Variants in FILIP1 observed in about 807,000 individuals in gnomAD.
FILIP1 encodes the protein filamin A interacting protein 1, also known as filamin-A-interacting protein 1.
FILIP1 carries 61 observed loss-of-function variants against 102.1 expected under a neutral mutation model. That is an observed-to-expected ratio of 0.60 (90% CI 0.49 to 0.74). FILIP1 has a LOEUF of 0.74. FILIP1 is among the 30% of genes least tolerant of loss of function. The probability of loss-of-function intolerance (pLI) is 0.00; values close to 1 mark genes in which losing one functional copy is unlikely to be tolerated. For missense variants in FILIP1, 1,314 were observed against 1,441.2 expected (o/e 0.91, Z 1.43); for synonymous variants, 491 against 526.9 (o/e 0.93, Z 0.93).
chr6:75,464,839 C>T (rs1779118337), intron 1 of FILIP1, among the ~76,000 whole-genome samples: 1 of 152,168 alleles, frequency 6.6e-6, no homozygotes, highest in African/African-American at 2.4e-5. Context: ...TGACTGCATC[C>T]TTTTAGTTGC....
intron 4 of FILIP1, among the ~76,000 whole-genome samples, chr6:75,331,583 A>G (rs560268941): frequency 6.6e-6 from 1 of 152,288 alleles, no homozygotes; most frequent in East Asian, 1.9e-4. Context: ...GGATGGAGGA[A>G]GTAGTTGTTC....
chr6:75,362,209 G>C (rs2149612241), intron 3 of FILIP1, among the ~76,000 whole-genome samples: 1 of 152,322 alleles, frequency 6.6e-6, no homozygotes, highest in South Asian at 2.1e-4. Flanking sequence ...AATAGTCATA[G>C]CCCTAGTAGA....
At chr6:75,457,436 G>A (rs1778874387) in intron 1 of FILIP1, among the ~76,000 whole-genome samples, 1 of 152,138 alleles carries the variant, frequency 6.6e-6, no homozygotes, top group African/African-American at 2.4e-5. Flanking sequence ...CTGATGTGGG[G>A]TAAAATGTCC....
chr6:75,302,527 T>C (rs1335334704), intron 6 of FILIP1, among the ~76,000 whole-genome samples: 1 of 152,090 alleles, frequency 6.6e-6, no homozygotes, highest in African/African-American at 2.4e-5. Flanking sequence ...GCAATGTTCA[T>C]AAAATAGACT....
rs750470097 is a variant in FILIP1 at position 75,314,575 on chromosome 6, C to T, written c.1257G>A (p.Lys419=). 1 of 1,613,966 alleles carries T rather than the reference C, an allele frequency of 6.2e-7. No individual in the cohort carries two copies. ...KKLQEEEHHS[K]ELRLEVEKLQ... The stretch of plus-strand genomic sequence containing the variant: ...GCTTCTCAACTTCAAGTCTGAGCTC[C>T]TTACTATGGTGTTCTTCCTCTTGCA... Residue 419 remains lysine (K), a synonymous_variant, in exon 5 of 6, where the codon AAG becomes AAA. Coordinates refer to ENST00000237172, the MANE Select transcript of FILIP1 (RefSeq NM_015687.5).
chr6:75,472,646 A>C (rs1195110326), intron 1 of FILIP1, among the ~76,000 whole-genome samples: 1 of 152,156 alleles, frequency 6.6e-6, no homozygotes, highest in Non-Finnish European at 1.5e-5. Context: ...TAACTTGTCT[A>C]AAGTAGAACA....
At chr6:75,421,448 G>C (rs1252229686) in intron 1 of FILIP1, among the ~76,000 whole-genome samples, 1 of 152,150 alleles carries the variant, frequency 6.6e-6, no homozygotes, top group Admixed American at 6.6e-5. Flanking sequence ...TATATGTTTA[G>C]GAAATACTCA....
intron 4 of FILIP1, among the ~76,000 whole-genome samples, chr6:75,318,093 C>T (rs1191967784): frequency 6.6e-6 from 1 of 151,846 alleles, no homozygotes; most frequent in Non-Finnish European, 1.5e-5. Flanking sequence ...TTTTTTTCAT[C>T]CTGTCACACG....
chr6:75,354,869 C>T (rs1327957788), intron 3 of FILIP1, among the ~76,000 whole-genome samples: 1 of 152,184 alleles, frequency 6.6e-6, no homozygotes, highest in Non-Finnish European at 1.5e-5. Flanking sequence ...GTTTTTAAAG[C>T]TTGCAGCTAT....
chr6:75,350,766 A>G (rs1774769828), intron 4 of FILIP1, among the ~76,000 whole-genome samples: 1 of 152,278 alleles, frequency 6.6e-6, no homozygotes, highest in Non-Finnish European at 1.5e-5. Flanking sequence ...ATACTACCTC[A>G]GGCATTTAGC....
Position 75,314,027 on chromosome 6 carries a change from C to G in FILIP1, c.1805G>C (p.Gly602Ala), listed in dbSNP as rs779614812. Reference sequence around the variant, plus strand: ...TATTTCTCTTTCCACTTCCTCTATACCATCAAGTCTCTTCTTTAGTAAGTC... The same window carrying G: ...TATTTCTCTTTCCACTTCCTCTATAGCATCAAGTCTCTTCTTTAGTAAGTC... The part of the protein sequence containing the change: ...SVDLLKKRLD[G>A]IEEVEREITR... The change falls in exon 5 of 6, where the codon GGT becomes GCT. Residue 602 changes from glycine (G) to alanine (A), a missense_variant. Coordinates refer to ENST00000237172, the MANE Select transcript of FILIP1 (RefSeq NM_015687.5). The G allele has an allele frequency of 8.5e-6, 13 of 1,532,168 alleles. 1 individual carries two copies. The highest frequency in any genetic ancestry group is 3.5e-4 in the Middle Eastern group (2 of 5,662). The allele number at this position is 1,532,168 out of a possible 1,614,324, so 94.9% of individuals were successfully genotyped here. A position where few individuals can be genotyped will look rare whatever the true frequency, so the allele number is the denominator to read the frequency against.
At chr6:75,304,377 A>C (rs539705033), downstream of FILIP1, among the ~76,000 whole-genome samples, 7 of 152,040 alleles carry the variant, frequency 4.6e-5, no homozygotes, top group East Asian at 1.4e-3. Flanking sequence ...ATGCCCAGCT[A>C]ATTTTTTGTA....
chr6:75,461,208 A>G (rs1779013676), intron 1 of FILIP1, among the ~76,000 whole-genome samples: 1 of 152,238 alleles, frequency 6.6e-6, no homozygotes, highest in Admixed American at 6.5e-5. Flanking sequence ...ATCATCTTGC[A>G]TAATCATCAG....
chr6:75,382,792 A>C lies in FILIP1; in HGVS notation c.277-19875T>G, dbSNP rs557629700. 3.3e-5 allele frequency among the ~76,000 whole-genome samples: 5 copies of C among 152,344 alleles called. No homozygotes were observed. In the East Asian group the frequency reaches 9.6e-4, roughly 29 times the overall value. ...AATGCTACAGGAATGCATCACAATT[A>C]CTGAATAGACTTTGGGGGATCTTGT... On this transcript the variant is annotated intron_variant, in intron 2 of 5. Transcript: ENST00000237172.
In FILIP1 at chr6:75,372,687, G is replaced by GAA. The variant is rs1491079269; in HGVS notation, c.277-9772_277-9771dup. ...AAAGAAAGAAAGAAAGAAAGAAAGA[G>GAA]AAAGAAAGAGAAAGAAAGAAAGAAA... On this transcript the variant is annotated intron_variant, in intron 2 of 5. Transcript: ENST00000237172. 5.4e-4 allele frequency among the ~76,000 whole-genome samples: 15 copies of GAA among 27,798 alleles called. 1 individual carries two copies. The East Asian group carries it at 6.4e-3, about 12-fold the overall frequency. 18.2% of individuals were successfully genotyped at this position (27,798 alleles called of 152,430 possible).
rs1442910396 is a variant in FILIP1 at position 75,314,919 on chromosome 6, G to A, written c.913C>T (p.His305Tyr). Reference sequence around the variant, plus strand: ...TCTTGAGAAAACCTCGAAGCCTTGTGTTCAAAGTCCACTTCTAACTTGAGC... The same window carrying A: ...TCTTGAGAAAACCTCGAAGCCTTGTATTCAAAGTCCACTTCTAACTTGAGC... ...KLLKLEVDFE[H>Y]KASRFSQEHE... The change falls in exon 5 of 6, where the codon CAC becomes TAC. Residue 305 changes from histidine to tyrosine, a missense_variant. Physicochemically the swap from His to Tyr is moderately conservative, Grantham distance 83. Transcript: ENST00000237172. The A allele has an allele frequency of 6.2e-7, 1 of 1,614,136 alleles. No individual in the cohort carries two copies. Among genetic ancestry groups the A allele is most frequent in the Non-Finnish European group, 8.5e-7 (1 of 1,180,022 alleles).
chr6:75,440,129 GT>G (rs1051442054), intron 1 of FILIP1, among the ~76,000 whole-genome samples: 2 of 151,880 alleles, frequency 1.3e-5, no homozygotes, highest in Admixed American at 1.3e-4. Context: ...TAACTTCTGG[GT>G]TTTTTTTATG....
chr6:75,362,538 T>G (rs1290261833), intron 3 of FILIP1, among the ~76,000 whole-genome samples: 1 of 152,202 alleles, frequency 6.6e-6, no homozygotes, highest in Non-Finnish European at 1.5e-5. Flanking sequence ...CAGGCTTTGG[T>G]ATGTTTAAAG....
chr6:75,438,182 C>T (rs979701187), intron 1 of FILIP1, among the ~76,000 whole-genome samples: 5 of 152,028 alleles, frequency 3.3e-5, no homozygotes, highest in African/African-American at 1.2e-4. Context: ...AAATATTAGC[C>T]AAAGAAGGTT....
Sources: allele counts gnomAD v4.1 joint callset (sites outside exome capture counted in the v4.1 genomes callset), GRCh38; gene constraint gnomAD v4.1.1; transcripts MANE v1.5; gene names NCBI Gene and HGNC (gene_info 2026-07-23, HGNC 2026-07-21).